Variants in DST observed in about 807,000 individuals in gnomAD.
DST encodes bullous pemphigoid antigen.
DST carries 253 observed loss-of-function variants against 875.2 expected under a neutral mutation model. The ratio of observed to expected loss-of-function variants is 0.29; its 90% CI spans 0.26 to 0.32. The LOEUF is 0.32. Ranked by LOEUF, DST falls within the 10% of genes least tolerant of loss-of-function variation. The pLI, the probability that DST is intolerant of heterozygous loss-of-function variation, is 1.00. For missense variants in DST, 8,287 were observed against 9,111.6 expected (o/e 0.91, Z 3.68); for synonymous variants, 3,124 against 3,197.1 (o/e 0.98, Z 0.77).
Position 56,578,924 on chromosome 6 carries a change from T to G in DST, c.12917A>C (p.Gln4306Pro), listed in dbSNP as rs779919108. 3.1e-6 allele frequency: 5 copies of G among 1,597,284 alleles called. No homozygotes were observed. Among genetic ancestry groups the G allele is most frequent in the South Asian group, 2.3e-5 (2 of 88,206 alleles). The stretch of plus-strand genomic sequence containing the variant: ...TACAGCAACCTGCTGACTTGATATC[T>G]GTCCTTGCAAAGCCTGTAGGATTAA... The part of the protein sequence containing the change: ...QLEETKALQG[Q>P]ISSQQVAVEK... The change falls in exon 50 of 104, where the codon CAG (glutamine) becomes CCG (proline). Residue 4306 changes from glutamine (Q) to proline (P), a missense_variant. By Grantham distance (76) the Gln-to-Pro change is moderately conservative. Around this residue, in one of 10 missense-constraint regions of DST, gnomAD observed 1,513 missense variants for 1,677.8 expected, o/e 0.90. Coordinates refer to ENST00000680361, the MANE Select transcript of DST (RefSeq NM_001374736.1).
At chr6:56,525,098 T>G (rs2096773961) in intron 69 of DST, among the ~76,000 whole-genome samples, 1 of 152,122 alleles carries the variant, frequency 6.6e-6, no homozygotes, top group African/African-American at 2.4e-5. Context: ...GTGCCCTTAT[T>G]ACTTCCTCAC....
chr6:56,871,583 A>G (rs1777120836), intron 3 of DST: 1 of 871,402 alleles, frequency 1.1e-6, no homozygotes, highest in Non-Finnish European at 1.9e-6. Flanking sequence ...GGACCTACAG[A>G]GCTCATGGTT....
intron 61 of DST, among the ~76,000 whole-genome samples, chr6:56,549,387 A>G (rs2097282416): frequency 6.6e-6 from 1 of 152,206 alleles, no homozygotes; most frequent in South Asian, 2.1e-4. Context: ...TTTTCACTCA[A>G]TACAAATCAT....
chr6:56,542,254 T>C (rs533028861), intron 61 of DST, among the ~76,000 whole-genome samples: 1 of 151,298 alleles, frequency 6.6e-6, no homozygotes, highest in African/African-American at 2.4e-5. Context: ...GGAGTAGCTA[T>C]AAATAAACTT....
chr6:56,482,227 C>T, intron 89 of DST, 49 bp from the exon 90 acceptor site: 1 of 1,573,660 alleles, frequency 6.4e-7, no homozygotes, highest in Non-Finnish European at 8.6e-7. Flanking sequence ...CCAAATATGC[C>T]TGTTAGCACA....
chr6:56,498,666 T>C (rs540677264), intron 80 of DST, among the ~76,000 whole-genome samples: 1 of 152,290 alleles, frequency 6.6e-6, no homozygotes, highest in African/African-American at 2.4e-5. Flanking sequence ...CATTTTCAAA[T>C]ATAAAATTAT....
chr6:56,660,529 T>C (rs1430158734), intron 10 of DST, among the ~76,000 whole-genome samples: 1 of 151,544 alleles, frequency 6.6e-6, no homozygotes, highest in African/African-American at 2.4e-5. Flanking sequence ...TTCCTGAAGA[T>C]GACTGTTTCG....
chr6:56,757,036 T>C (rs2099605831), intron 4 of DST, among the ~76,000 whole-genome samples: 1 of 152,238 alleles, frequency 6.6e-6, no homozygotes, highest in East Asian at 1.9e-4. Flanking sequence ...AGGGCTAAAA[T>C]ACTCATTCAG....
rs201023684 is a variant in DST, at chr6:56,615,915, G to A, written c.4930-1431C>T. 2.7e-5 allele frequency: 43 copies of A among 1,614,002 alleles called. No individual in the cohort carries two copies. The highest frequency in any genetic ancestry group is 8.8e-5 in the South Asian group (8 of 91,086). On this transcript the variant is annotated intron_variant, in intron 36 of 103. Coordinates refer to ENST00000680361, the MANE Select transcript of DST (RefSeq NM_001374736.1). ...CCTGTGATTACTAATTCACACTGTC[G>A]CAGCTGCTGGGCAAACCCCTCATCA... is the stretch of plus-strand genomic sequence containing the variant.
chr6:56,851,290 G>T, intron 4 of DST, 107 bp downstream of exon 4: 1 of 1,016,668 alleles, frequency 9.8e-7, no homozygotes, highest in Non-Finnish European at 1.4e-6. Context: ...CTTGAGCACA[G>T]ATTCCTGCCC....
At chr6:56,560,460 G>A (rs773551132) in intron 57 of DST, 37 bp from the exon 58 acceptor site, 1 of 1,546,210 alleles carries the variant, frequency 6.5e-7, no homozygotes, top group East Asian at 2.4e-5. Context: ...CATGTGTACA[G>A]CAAAAGACAA....
At chr6:56,487,771 A>G (rs917699715) in intron 86 of DST, among the ~76,000 whole-genome samples, 3 of 152,202 alleles carry the variant, frequency 2.0e-5, no homozygotes, top group African/African-American at 7.2e-5. Flanking sequence ...GGAAGAGTAG[A>G]AAGAATGAGA....
intron 4 of DST, among the ~76,000 whole-genome samples, chr6:56,833,004 G>A (rs2099789160): frequency 1.3e-5 from 2 of 152,176 alleles, no homozygotes; most frequent in African/African-American, 2.4e-5. Context: ...CTTCCAAAGT[G>A]CTGAGATTAC....
Position 56,604,398 on chromosome 6 carries a change from T to G in DST, c.10230A>C (p.Gln3410His). Residue 3410 changes from glutamine (Q) to histidine (H), a missense_variant, in exon 40 of 104, where the codon CAA becomes CAC. Physicochemically the swap from Gln to His is conservative, Grantham distance 24. Transcript: ENST00000680361. Reference protein sequence around the residue: ...NEASTVPSDSQMSDSSGVSPM... With the variant: ...NEASTVPSDSHMSDSSGVSPM... Reference sequence around the variant, plus strand: ...GGGAAACTCCAGAAGAGTCACTCATTTGAGAGTCGCTGGGCACAGTAGATG... The same window carrying G: ...GGGAAACTCCAGAAGAGTCACTCATGTGAGAGTCGCTGGGCACAGTAGATG... The G allele has an allele frequency of 6.2e-7, 1 of 1,611,276 alleles. No homozygotes were observed.
chr6:56,752,722 C>T (rs1213218566), intron 4 of DST, among the ~76,000 whole-genome samples: 4 of 152,204 alleles, frequency 2.6e-5, no homozygotes, highest in Non-Finnish European at 5.9e-5. Flanking sequence ...CAATCACCTA[C>T]TAAGGCTGTT....
intron 4 of DST, among the ~76,000 whole-genome samples, chr6:56,821,151 T>C (rs1472703089): frequency 1.3e-5 from 2 of 152,202 alleles, no homozygotes; most frequent in African/African-American, 4.8e-5. Context: ...GCAACTCAAG[T>C]CAATATCAAA....
chr6:56,695,242 C>T lies in DST; in HGVS notation c.1047+4411G>A, dbSNP rs529497479. Among the ~76,000 whole-genome samples, 6 of 152,128 alleles carry T rather than the reference C, an allele frequency of 3.9e-5. No homozygotes were observed. The East Asian group carries it at 1.2e-3, about 29-fold the overall frequency. ...GACAATCCTGCTTCCCCTTTGCCTT[C>T]CACCATGACTGAAAAATTTTCTGAG... On this transcript the variant is annotated intron_variant, in intron 9 of 103. Transcript: ENST00000680361.
Position 56,530,019 on chromosome 6 carries a change from T to C in DST, c.17223A>G (p.Ile5741Met), listed in dbSNP as rs746152242. 1.2e-6 allele frequency: 2 copies of C among 1,613,620 alleles called. No homozygotes were observed. The highest frequency in any genetic ancestry group is 1.7e-6 in the Non-Finnish European group (2 of 1,179,704). Residue 5741 changes from isoleucine (I) to methionine (M), a missense_variant, in exon 65 of 104, where the codon ATA becomes ATG. Coordinates refer to ENST00000680361, the MANE Select transcript of DST (RefSeq NM_001374736.1). Reference protein sequence around the residue: ...IEKRLVNCEPIGTQASKLEEQ... With the variant: ...IEKRLVNCEPMGTQASKLEEQ... ...CCTCAAGTTTAGATGCTTGGGTTCC[T>C]ATGGGTTCACAATTCACCAGCCTCT... is the stretch of plus-strand genomic sequence containing the variant.
At chr6:56,828,494 T>G (rs2099783428) in intron 4 of DST, among the ~76,000 whole-genome samples, 2 of 152,250 alleles carry the variant, frequency 1.3e-5, no homozygotes, top group African/African-American at 4.8e-5. Flanking sequence ...CTTCTGTCTT[T>G]GCTATTGCTT....
Sources: gnomAD v4.1 joint callset for allele counts (sites outside exome capture counted in the v4.1 genomes callset) on GRCh38, gnomAD v4.1.1 for gene constraint, gnomAD v4.1.1 regional missense constraint, MANE v1.5 for transcripts, NCBI Gene and HGNC (gene_info 2026-07-23, HGNC 2026-07-21) for gene names.